The following SEZ6L variants were observed in gnomAD, a reference collection of about 807,000 sequenced individuals.
SEZ6L encodes the protein seizure related 6 homolog like.
A neutral mutation model predicts 106.2 loss-of-function variants in SEZ6L; 37 were observed. That is an observed-to-expected ratio of 0.35 (90% CI 0.27 to 0.46). The LOEUF (loss-of-function observed/expected upper bound fraction) is 0.46. Among genes scored for constraint, SEZ6L ranks in the 20% least tolerant of loss-of-function variants. The probability of loss-of-function intolerance (pLI) is 1.00; values close to 1 mark genes in which losing one functional copy is unlikely to be tolerated. For missense variants in SEZ6L, 1,172 were observed against 1,332.8 expected (o/e 0.88, Z 1.88); for synonymous variants, 541 against 570.4 (o/e 0.95, Z 0.73).
intron 1 of SEZ6L, among the ~76,000 whole-genome samples, chr22:26,210,666 C>T (rs1262139690): frequency 6.6e-6 from 1 of 151,426 alleles, no homozygotes; most frequent in Non-Finnish European, 1.5e-5. Context: ...TTCTCATCTC[C>T]ATTCTCAGAA....
intron 1 of SEZ6L, among the ~76,000 whole-genome samples, chr22:26,271,900 A>G (rs1255558266): frequency 1.3e-5 from 2 of 152,226 alleles, no homozygotes; most frequent in Non-Finnish European, 2.9e-5. Context: ...GAAGCAACTC[A>G]TATTGCCCAT....
chr22:26,340,466 C>T lies in SEZ6L; in HGVS notation c.2046C>T (p.Thr682=), dbSNP rs1056695575. 6.8e-6 allele frequency: 11 copies of T among 1,613,756 alleles called. No homozygotes were observed. The highest frequency in any genetic ancestry group is 8.5e-6 in the Non-Finnish European group (10 of 1,179,894). ...ATCTGAGCAACAGTGACATCTTGAC[C>T]ATCTACGATGGCGACGAGGTCATGC... ...FLNLSNSDIL[T]IYDGDEVMPH... is the part of the protein sequence containing the mutation. Residue 682 remains threonine, a synonymous_variant, in exon 10 of 17, where the codon ACC becomes ACT. Transcript: ENST00000248933.
At chr22:26,277,751 A>C (rs2080600387) in intron 1 of SEZ6L, among the ~76,000 whole-genome samples, 1 of 152,224 alleles carries the variant, frequency 6.6e-6, no homozygotes, top group Non-Finnish European at 1.5e-5. Flanking sequence ...CTGGGGGCCT[A>C]CTATGTGTCA....
intron 1 of SEZ6L, among the ~76,000 whole-genome samples, chr22:26,284,025 T>C (rs181829413): frequency 6.6e-6 from 1 of 152,350 alleles, no homozygotes; most frequent in East Asian, 1.9e-4. Flanking sequence ...GACAACTGTG[T>C]TCATGATGGC....
chr22:26,335,899 C>T (rs1284752089), intron 9 of SEZ6L, among the ~76,000 whole-genome samples: 2 of 152,180 alleles, frequency 1.3e-5, no homozygotes, highest in Non-Finnish European at 2.9e-5. Context: ...CCTCACTAGG[C>T]TTAATGTGAG....
chr22:26,300,867 C>A (rs996439038), intron 5 of SEZ6L, among the ~76,000 whole-genome samples: 1 of 152,358 alleles, frequency 6.6e-6, no homozygotes, highest in African/African-American at 2.4e-5. Context: ...GATCACTAGA[C>A]CCTTATCAGA....
chr22:26,350,596 G>A (rs1382020561), intron 11 of SEZ6L, among the ~76,000 whole-genome samples: 2 of 150,470 alleles, frequency 1.3e-5, no homozygotes, highest in Non-Finnish European at 3.0e-5. Flanking sequence ...CTATTCTCCA[G>A]CCACCTATCA....
In SEZ6L at chr22:26,383,160, G is replaced by A. The variant is rs755151950; in HGVS notation, c.*2865G>A. Reference sequence around the variant, plus strand: ...CATTCTTACTTAGTTTCATAGATGTGCTTTAACTATGATCCTTTGAAGCTC... The same window carrying A: ...CATTCTTACTTAGTTTCATAGATGTACTTTAACTATGATCCTTTGAAGCTC... On this transcript the variant is annotated 3_prime_UTR_variant, in exon 17 of 17. Coordinates refer to ENST00000248933, the MANE Select transcript of SEZ6L (RefSeq NM_021115.5). The A allele has an allele frequency of 2.0e-5, 3 of 147,506 alleles. No individual in the cohort carries two copies. Among genetic ancestry groups the A allele is most frequent in the African/African-American group, 5.0e-5 (2 of 39,868 alleles). The allele number at this position is 147,506 out of a possible 1,614,324, so 9.1% of individuals were successfully genotyped here.
intron 1 of SEZ6L, among the ~76,000 whole-genome samples, chr22:26,183,801 A>G (rs1939571666): frequency 6.6e-6 from 1 of 152,224 alleles, no homozygotes; most frequent in African/African-American, 2.4e-5. Context: ...TATGCACACT[A>G]TTTCCATAAA....
chr22:26,303,005 T>C (rs116656431), intron 5 of SEZ6L, among the ~76,000 whole-genome samples: 2 of 152,248 alleles, frequency 1.3e-5, no homozygotes, highest in Non-Finnish European at 2.9e-5. Flanking sequence ...AAGCTCCCCA[T>C]GCCCATCGTT....
intron 1 of SEZ6L, 59 bp from the exon 2 acceptor site, chr22:26,292,347 C>A: frequency 1.4e-6 from 2 of 1,384,472 alleles, no homozygotes; most frequent in Non-Finnish European, 2.0e-6. Context: ...CAGAGTCTGA[C>A]AGCAGGTGAA....
chr22:26,227,756 A>G (rs2078677492), intron 1 of SEZ6L, among the ~76,000 whole-genome samples: 1 of 152,108 alleles, frequency 6.6e-6, no homozygotes, highest in Admixed American at 6.5e-5. Flanking sequence ...TGGGTCTGTC[A>G]CCTCCAAATG....
At chr22:26,193,431 A>G (rs953890125) in intron 1 of SEZ6L, among the ~76,000 whole-genome samples, 1 of 152,210 alleles carries the variant, frequency 6.6e-6, no homozygotes, top group African/African-American at 2.4e-5. Context: ...TAGACAGACC[A>G]ATGGCTGACC....
intron 1 of SEZ6L, among the ~76,000 whole-genome samples, chr22:26,219,261 T>TTTTTC (rs2078390352): frequency 6.6e-6 from 1 of 151,444 alleles, no homozygotes; most frequent in African/African-American, 2.4e-5. Context: ...CAAGTTTTTT[T>TTTTTC]TTTTTTTTTC....
chr22:26,284,510 T>G (rs1400338825), intron 1 of SEZ6L, among the ~76,000 whole-genome samples: 1 of 145,306 alleles, frequency 6.9e-6, no homozygotes, highest in African/African-American at 2.5e-5. Flanking sequence ...TTCTGGAGAT[T>G]GAAATGGGAG....
At chr22:26,373,342 C>T (rs669184) in intron 13 of SEZ6L, 109 bp from the exon 14 acceptor site, 166,738 of 919,834 alleles carry the variant, frequency 0.18, 16,462 homozygotes, top group Non-Finnish European at 0.21. Flanking sequence ...ATACCACTAA[C>T]TTCACCAAAG....
At chr22:26,378,130 A>T (rs2084292729) in intron 16 of SEZ6L, among the ~76,000 whole-genome samples, 1 of 152,124 alleles carries the variant, frequency 6.6e-6, no homozygotes, top group East Asian at 1.9e-4. Flanking sequence ...AGTGTGAAAC[A>T]TCCCTACACA....
chr22:26,362,053 G>A (rs529109292), intron 12 of SEZ6L, among the ~76,000 whole-genome samples: 3 of 152,162 alleles, frequency 2.0e-5, no homozygotes, highest in African/African-American at 7.2e-5. Context: ...CAAAGCACAG[G>A]CTTTAAAAAT....
chr22:26,341,028 C>T (rs1412499676), intron 10 of SEZ6L, among the ~76,000 whole-genome samples: 1 of 151,184 alleles, frequency 6.6e-6, no homozygotes, highest in African/African-American at 2.4e-5. Flanking sequence ...GATCTTACAT[C>T]AACATACTTC....
Sources: allele counts gnomAD v4.1 joint callset (sites outside exome capture counted in the v4.1 genomes callset), GRCh38; gene constraint gnomAD v4.1.1; transcripts MANE v1.5; gene names NCBI Gene and HGNC (gene_info 2026-07-23, HGNC 2026-07-21).